The following KIFC3 variants were observed in gnomAD, a reference collection of about 807,000 sequenced individuals.
The protein encoded by KIFC3 is kinesin family member C3.
Under a neutral mutation model 101.8 loss-of-function variants are expected in KIFC3, and 60 were observed. The ratio of observed to expected loss-of-function variants is 0.59; its 90% CI spans 0.48 to 0.73. The LOEUF (loss-of-function observed/expected upper bound fraction) is 0.73, where lower values mean the gene tolerates loss of function less well. KIFC3 is among the 30% of genes least tolerant of loss of function. The probability of loss-of-function intolerance (pLI) is 0.00; values close to 1 mark genes in which losing one functional copy is unlikely to be tolerated. For missense variants in KIFC3, 966 were observed against 1,137.1 expected, an observed-to-expected ratio of 0.85 and a Z score of 2.16; for synonymous variants, 476 against 482.7, an observed-to-expected ratio of 0.99 and a Z score of 0.18.
intron 1 of KIFC3, among the ~76,000 whole-genome samples, chr16:57,831,866 T>C (rs1190891432): frequency 6.6e-6 from 1 of 152,092 alleles, no homozygotes; most frequent in African/African-American, 2.4e-5. Context: ...TACTCCAAGA[T>C]TTAGGATTCA....
rs543815823 is a variant in KIFC3, at chr16:57,851,908, T to G, written c.108+10821A>C. 1.7e-4 allele frequency among the ~76,000 whole-genome samples: 26 copies of G among 152,218 alleles called. 1 individual carries two copies. Among genetic ancestry groups the G allele is most frequent in the African/African-American group, 4.8e-4 (20 of 41,542 alleles). On this transcript the variant is annotated intron_variant, in intron 1 of 2. Transcript: ENST00000563028. ...GCATGTACCACCACACTGGCTAATT[T>G]TTTTGTATTTTTAGTAGAGATGGGG...
At chr16:57,844,443 A>AG (rs1363864453) in intron 1 of KIFC3, among the ~76,000 whole-genome samples, 1 of 151,460 alleles carries the variant, frequency 6.6e-6, no homozygotes, top group Non-Finnish European at 1.5e-5. Flanking sequence ...GGAAAAAAAA[A>AG]AAAAAAAAAA....
intron 9 of KIFC3, among the ~76,000 whole-genome samples, chr16:57,767,846 T>A (rs115470354): frequency 0.015 from 2,213 of 152,180 alleles, 58 homozygotes; most frequent in African/African-American, 0.049. Flanking sequence ...CTAGTTTTTT[T>A]ATATTTTTTT....
chr16:57,777,140 A>G (rs1478756656), intron 3 of KIFC3: 1 of 152,230 alleles, frequency 6.6e-6, no homozygotes, highest in Non-Finnish European at 1.5e-5. Flanking sequence ...AATAAACTTA[A>G]CAAAGGTTAA....
chr16:57,772,409 T>C, intron 3 of KIFC3, 121 bp from the exon 4 acceptor site: 2 of 774,978 alleles, frequency 2.6e-6, no homozygotes, highest in East Asian at 5.3e-5. Flanking sequence ...GGCTGTGGCC[T>C]TAGGTTCCCC....
At chr16:57,765,205 G>C (rs781817718) in intron 11 of KIFC3, among the ~76,000 whole-genome samples, 10 of 152,122 alleles carry the variant, frequency 6.6e-5, no homozygotes, top group African/African-American at 2.4e-5. Flanking sequence ...CCTTGGGGAC[G>C]GGAGGAACCA....
chr16:57,859,360 T>C (rs1002975785), intron 1 of KIFC3, among the ~76,000 whole-genome samples: 1 of 152,238 alleles, frequency 6.6e-6, no homozygotes, highest in Non-Finnish European at 1.5e-5. Flanking sequence ...CTTGAGTATT[T>C]TGTCTGCTTC....
In KIFC3 at chr16:57,770,029, A is replaced by C. The variant is rs930756971; in HGVS notation, c.940-74T>G. On this transcript the variant is annotated intron_variant, in intron 7 of 19. Transcript: ENST00000445690. ...GGGGCAGGTGCCACACCGAGAAAGA[A>C]ACTGGTCACCTCCCATGCACATGAA... 8.5e-6 allele frequency: 13 copies of C among 1,538,362 alleles called. No homozygotes were observed. The African/African-American group carries it at 1.8e-4, about 21-fold the overall frequency.
At chr16:57,813,161 C>G (rs1555628086) in intron 1 of KIFC3, among the ~76,000 whole-genome samples, 1 of 152,022 alleles carries the variant, frequency 6.6e-6, no homozygotes, top group African/African-American at 2.4e-5. Flanking sequence ...AACTCCATCT[C>G]TACTGAAAAT....
chr16:57,826,784 T>C (rs1271544133), intron 1 of KIFC3, among the ~76,000 whole-genome samples: 2 of 152,206 alleles, frequency 1.3e-5, no homozygotes, highest in African/African-American at 2.4e-5. Flanking sequence ...ACAGTGGAGT[T>C]CAGTTCTGAT....
At chr16:57,826,183 C>G (rs1274450932) in intron 1 of KIFC3, among the ~76,000 whole-genome samples, 8 of 152,366 alleles carry the variant, frequency 5.3e-5, no homozygotes, top group Non-Finnish European at 1.0e-4. Context: ...CCGCTTCCCC[C>G]ACCATGGGAG....
chr16:57,840,989 G>C (rs2055796234), intron 1 of KIFC3, among the ~76,000 whole-genome samples: 1 of 152,178 alleles, frequency 6.6e-6, no homozygotes, highest in African/African-American at 2.4e-5. Context: ...GAGGGACCTT[G>C]TGAAGGCATA....
chr16:57,771,398 G>A lies in KIFC3; in HGVS notation c.565C>T (p.Leu189=). The A allele has an allele frequency of 1.2e-6, 2 of 1,613,642 alleles. No individual in the cohort carries two copies. The highest frequency in any genetic ancestry group is 1.7e-6 in the Non-Finnish European group (2 of 1,180,046). ...ATGCCTTTGCTTTCCGCCATCTCCA[G>A]CTGCAGCTGGGACAGCTTGTCACGG... is the stretch of plus-strand genomic sequence containing the variant. ...QLRDKLSQLQ[L]EMAESKGMLS... is the part of the protein sequence containing the mutation. The change falls in exon 6 of 20, where the codon CTG becomes TTG. Residue 189 remains leucine (L), a synonymous_variant. Transcript: ENST00000445690.
intron 1 of KIFC3, among the ~76,000 whole-genome samples, chr16:57,860,808 G>C (rs1486004142): frequency 1.3e-5 from 2 of 152,018 alleles, no homozygotes; most frequent in Non-Finnish European, 2.9e-5. Context: ...AACCTCCCAG[G>C]CTCCATTGAT....
upstream of KIFC3, among the ~76,000 whole-genome samples, chr16:57,806,701 T>G (rs2054946594): frequency 6.6e-6 from 1 of 152,194 alleles, no homozygotes; most frequent in African/African-American, 2.4e-5. Flanking sequence ...AAGAGAAGGC[T>G]CCTTAGCAAT....
At chr16:57,795,705 A>G (rs954464976) in intron 2 of KIFC3, among the ~76,000 whole-genome samples, 4 of 151,864 alleles carry the variant, frequency 2.6e-5, no homozygotes, top group Non-Finnish European at 5.9e-5. Flanking sequence ...TGTGGCAGCA[A>G]TGCCCCAGCC....
intron 2 of KIFC3, 189 bp downstream of exon 2, chr16:57,797,883 C>T: frequency 2.0e-6 from 3 of 1,468,722 alleles, no homozygotes; most frequent in South Asian, 2.9e-5. Context: ...CAGACAGGGG[C>T]GCAGGGAAGG....
intron 1 of KIFC3, among the ~76,000 whole-genome samples, chr16:57,856,985 C>T (rs1248227173): frequency 1.3e-5 from 2 of 152,176 alleles, no homozygotes; most frequent in African/African-American, 2.4e-5. Flanking sequence ...ACCAGTAGAA[C>T]ACTTCCTAAC....
intron 3 of KIFC3, chr16:57,774,715 A>G: frequency 2.2e-6 from 1 of 446,402 alleles, no homozygotes; most frequent in Non-Finnish European, 3.9e-6. Flanking sequence ...TAATGTATAG[A>G]AGGGTCTTGC....
Sources: gnomAD v4.1 joint callset for allele counts (sites outside exome capture counted in the v4.1 genomes callset) on GRCh38, gnomAD v4.1.1 for gene constraint, MANE v1.5 for transcripts, NCBI Gene and HGNC (gene_info 2026-07-23, HGNC 2026-07-21) for gene names.